GPC5: variants seen among roughly 807,000 people sequenced by gnomAD.
The protein encoded by GPC5 is glypican 5.
A neutral mutation model predicts 53.9 loss-of-function variants in GPC5; 47 were observed. The ratio of observed to expected loss-of-function variants is 0.87; its 90% confidence interval spans 0.69 to 1.11. The LOEUF is 1.11. Among genes scored for constraint, GPC5 ranks in the 50% most tolerant of loss-of-function variants. The pLI is 0.00. For synonymous variants in GPC5, 286 were observed against 263.3 expected (o/e 1.09, Z -0.84); for missense variants, 748 against 713.1 (o/e 1.05, Z -0.56).
intron 3 of GPC5, among the ~76,000 whole-genome samples, chr13:91,721,751 C>A (rs1343039367): frequency 6.6e-6 from 1 of 152,146 alleles, no homozygotes; most frequent in East Asian, 1.9e-4. Context: ...TGTGATCTTC[C>A]CATGGCTGTT....
chr13:92,771,807 A>C (rs564715619), intron 7 of GPC5, among the ~76,000 whole-genome samples: 142 of 152,266 alleles, frequency 9.3e-4, no homozygotes, highest in African/African-American at 3.3e-3. Context: ...CAATCCGTAA[A>C]TTTATAGCTC....
intron 2 of GPC5, among the ~76,000 whole-genome samples, chr13:91,477,753 A>G (rs1883011984): frequency 6.6e-6 from 1 of 152,150 alleles, no homozygotes; most frequent in Non-Finnish European, 1.5e-5. Context: ...TCTCAGAGGG[A>G]GCGGGCAACC....
At chr13:91,795,136 T>A (rs9301754) in intron 5 of GPC5, among the ~76,000 whole-genome samples, 49,431 of 151,976 alleles carry the variant, frequency 0.33, 9,491 homozygotes, top group East Asian at 0.65. Context: ...ATGGATATTT[T>A]TATATATATA....
chr13:92,522,174 T>C (rs1267953218), intron 7 of GPC5, among the ~76,000 whole-genome samples: 2 of 152,194 alleles, frequency 1.3e-5, no homozygotes, highest in African/African-American at 4.8e-5. Context: ...TTGGTGGGAC[T>C]GTAAACTAGT....
intron 1 of GPC5, among the ~76,000 whole-genome samples, chr13:91,413,153 C>T (rs1178890758): frequency 6.6e-6 from 1 of 152,118 alleles, no homozygotes; most frequent in Non-Finnish European, 1.5e-5. Flanking sequence ...TAGTGTTGTA[C>T]ACCTGTGGTC....
At chr13:92,401,067 A>G (rs1875533981) in intron 7 of GPC5, among the ~76,000 whole-genome samples, 1 of 152,148 alleles carries the variant, frequency 6.6e-6, no homozygotes, top group Non-Finnish European at 1.5e-5. Flanking sequence ...TTCTGTTCCC[A>G]AAATGGAGCT....
At chr13:91,655,976 G>A (rs879574651) in intron 2 of GPC5, among the ~76,000 whole-genome samples, 4 of 152,044 alleles carry the variant, frequency 2.6e-5, no homozygotes, top group Non-Finnish European at 5.9e-5. Context: ...CACAACAGAG[G>A]CGATGTGCGT....
chr13:91,922,069 G>A (rs1299195861), intron 6 of GPC5, among the ~76,000 whole-genome samples: 2 of 152,032 alleles, frequency 1.3e-5, no homozygotes, highest in Non-Finnish European at 2.9e-5. Context: ...AAATCAATAA[G>A]CATTGCCAAG....
chr13:92,570,028 C>T (rs539237119), intron 7 of GPC5, among the ~76,000 whole-genome samples: 6 of 152,066 alleles, frequency 3.9e-5, no homozygotes, highest in East Asian at 1.9e-4. Flanking sequence ...AGCTGACACT[C>T]GATCCTCTAT....
At chr13:91,937,322 T>A (rs2139039966) in intron 6 of GPC5, among the ~76,000 whole-genome samples, 1 of 152,200 alleles carries the variant, frequency 6.6e-6, no homozygotes, top group Non-Finnish European at 1.5e-5. Flanking sequence ...GGCAATTATT[T>A]CTTTGAAAAT....
intron 7 of GPC5, among the ~76,000 whole-genome samples, chr13:92,226,548 T>A (rs1393062847): frequency 6.6e-6 from 1 of 151,666 alleles, no homozygotes; most frequent in Non-Finnish European, 1.5e-5. Context: ...AGAAGTAAAA[T>A]GAAAAACACA....
intron 2 of GPC5, among the ~76,000 whole-genome samples, chr13:91,543,671 A>T (rs2030104045): frequency 6.6e-6 from 1 of 152,206 alleles, no homozygotes; most frequent in South Asian, 2.1e-4. Flanking sequence ...TGCTAAAGTG[A>T]CTTCAGTTAA....
intron 7 of GPC5, among the ~76,000 whole-genome samples, chr13:92,580,066 T>G (rs1162234217): frequency 6.6e-6 from 1 of 152,240 alleles, no homozygotes; most frequent in East Asian, 1.9e-4. Context: ...AGGATAACTT[T>G]GTACATTTTA....
chr13:92,652,342 T>C (rs1885985622), intron 7 of GPC5, among the ~76,000 whole-genome samples: 1 of 152,196 alleles, frequency 6.6e-6, no homozygotes, highest in African/African-American at 2.4e-5. Flanking sequence ...TAGGTTTCTC[T>C]CAGGTTAAAG....
chr13:91,586,583 GA>G (rs2032603336), intron 2 of GPC5, among the ~76,000 whole-genome samples: 1 of 121,550 alleles, frequency 8.2e-6, no homozygotes, highest in African/African-American at 3.1e-5. Context: ...GAGAGAGAGA[GA>G]GAGAGAGGGA....
intron 7 of GPC5, among the ~76,000 whole-genome samples, chr13:92,524,464 C>G (rs920616635): frequency 1.3e-5 from 2 of 152,068 alleles, no homozygotes; most frequent in African/African-American, 2.4e-5. Context: ...CAAATATTTT[C>G]AGTATATGGT....
At chr13:92,321,652 A>G (rs575103506) in intron 7 of GPC5, among the ~76,000 whole-genome samples, 6 of 150,804 alleles carry the variant, frequency 4.0e-5, no homozygotes, top group Admixed American at 2.7e-4. Context: ...TACATACAAT[A>G]GAATTATTAG....
chr13:92,785,542 G>A (rs1324497819), intron 7 of GPC5, among the ~76,000 whole-genome samples: 1 of 152,128 alleles, frequency 6.6e-6, no homozygotes, highest in Non-Finnish European at 1.5e-5. Flanking sequence ...AGACTACCAC[G>A]GTAGAGTGGA....
chr13:91,990,732 G>A (rs1429341727), intron 6 of GPC5, among the ~76,000 whole-genome samples: 1 of 152,160 alleles, frequency 6.6e-6, no homozygotes, highest in African/African-American at 2.4e-5. Flanking sequence ...TATTGCTCAC[G>A]CAGTCAGAGA....
Sources: allele counts gnomAD v4.1 joint callset (sites outside exome capture counted in the v4.1 genomes callset), GRCh38; gene constraint gnomAD v4.1.1; transcripts MANE v1.5; gene names NCBI Gene and HGNC (gene_info 2026-07-23, HGNC 2026-07-21).